PRKAR1A: variants seen among roughly 807,000 people sequenced by gnomAD.
PRKAR1A encodes cAMP-dependent protein kinase type I-alpha regulatory subunit.
Under a neutral mutation model 52.0 loss-of-function variants are expected in PRKAR1A, and 3 were observed. The observed-to-expected ratio is 0.06, with a 90% CI of 0.03 to 0.15. PRKAR1A has a LOEUF of 0.15. Among genes scored for constraint, PRKAR1A ranks in the 10% least tolerant of loss-of-function variants. The pLI is 1.00. For missense variants in PRKAR1A, 240 were observed against 477.4 expected, an observed-to-expected ratio of 0.50 and a Z score of 4.63; for synonymous variants, 188 against 168.4, an observed-to-expected ratio of 1.12 and a Z score of -0.90.
chr17:68,438,790 A>G, the PRKAR1A span, among the ~76,000 whole-genome samples: 1 of 152,192 alleles, frequency 6.6e-6, no homozygotes, highest in Non-Finnish European at 1.5e-5. Flanking sequence ...CAGTAGAGAC[A>G]GGGTTTCACC....
At chr17:68,449,620 C>T in the PRKAR1A span, among the ~76,000 whole-genome samples, 2 of 152,178 alleles carry the variant, frequency 1.3e-5, no homozygotes, top group Non-Finnish European at 1.5e-5. Context: ...TAGTACCCCC[C>T]ACCCGTCTCT....
At chr17:68,525,572 T>C (rs573853835) in intron 6 of PRKAR1A, among the ~76,000 whole-genome samples, 182 bp from the exon 7 acceptor site, 1 of 152,324 alleles carries the variant, frequency 6.6e-6, no homozygotes, top group South Asian at 2.1e-4. Flanking sequence ...TTATAGACAC[T>C]CTTAACTCAT....
chr17:68,475,326 T>G, the PRKAR1A span, among the ~76,000 whole-genome samples: 2 of 152,234 alleles, frequency 1.3e-5, no homozygotes, highest in Non-Finnish European at 2.9e-5. Flanking sequence ...AATTAAATCT[T>G]CATATGTCAA....
the PRKAR1A span, chr17:68,457,495 A>C: frequency 7.9e-7 from 1 of 1,268,230 alleles, no homozygotes; most frequent in Non-Finnish European, 1.0e-6. Context: ...CGCCGGCTCC[A>C]CGGGCCGGGT....
At chr17:68,521,595 G>A (rs554898458) in intron 2 of PRKAR1A, among the ~76,000 whole-genome samples, 1 of 152,288 alleles carries the variant, frequency 6.6e-6, no homozygotes, top group African/African-American at 2.4e-5. Flanking sequence ...TATGAAATGA[G>A]AAAACCTTAC....
chr17:68,539,704 T>A (rs985188787), intron 11 of PRKAR1A, among the ~76,000 whole-genome samples: 5 of 152,174 alleles, frequency 3.3e-5, no homozygotes, highest in African/African-American at 1.2e-4. Context: ...TGGAGGAGGA[T>A]CAAGTGGTTC....
chr17:68,500,021 T>C, the PRKAR1A span, among the ~76,000 whole-genome samples: 1 of 152,238 alleles, frequency 6.6e-6, no homozygotes, highest in East Asian at 1.9e-4. Context: ...ATATGGGACA[T>C]ATATCAGCCA....
chr17:68,491,368 AG>A, the PRKAR1A span, among the ~76,000 whole-genome samples: 2 of 152,204 alleles, frequency 1.3e-5, no homozygotes, highest in Non-Finnish European at 2.9e-5. Context: ...CTGGGATTAC[AG>A]GCGTGAGCCA....
At chr17:68,534,595 T>G (rs1397652685), downstream of PRKAR1A, among the ~76,000 whole-genome samples, 10 of 151,836 alleles carry the variant, frequency 6.6e-5, no homozygotes, top group Non-Finnish European at 1.0e-4. Context: ...TTGTATTTTT[T>G]TTGTTGTTGG....
chr17:68,421,947 T>A, the PRKAR1A span: 2 of 1,194,204 alleles, frequency 1.7e-6, no homozygotes, highest in Non-Finnish European at 2.5e-6. Flanking sequence ...AATTTTTCTG[T>A]CTGAACTCGC....
downstream of PRKAR1A, chr17:68,536,171 A>C (rs565854816): frequency 2.2e-6 from 1 of 454,014 alleles, no homozygotes; most frequent in Non-Finnish European, 4.4e-6. Context: ...CTTTGCTCAC[A>C]CTGCAGAAAG....
chr17:68,495,061 G>A, the PRKAR1A span, among the ~76,000 whole-genome samples: 1 of 151,768 alleles, frequency 6.6e-6, no homozygotes, highest in Non-Finnish European at 1.5e-5. Context: ...TTTTTTTTGA[G>A]ACTGGGTCTT....
intron 8 of PRKAR1A, chr17:68,528,533 CTT>C (rs1332491068): frequency 1.9e-5 from 5 of 263,480 alleles, no homozygotes; most frequent in Admixed American, 9.7e-5. Flanking sequence ...GAAACTATGA[CTT>C]TTGAGTATTG....
At chr17:68,517,365 C>T (rs1025048426) in intron 2 of PRKAR1A, among the ~76,000 whole-genome samples, 12 of 152,174 alleles carry the variant, frequency 7.9e-5, no homozygotes, top group African/African-American at 2.9e-4. Context: ...CTAATAAAGA[C>T]ATACCGAGGC....
the PRKAR1A span, among the ~76,000 whole-genome samples, chr17:68,478,399 C>T: frequency 6.6e-6 from 1 of 152,276 alleles, no homozygotes; most frequent in South Asian, 2.1e-4. Flanking sequence ...TTGCAGTGAG[C>T]TGAGATCACA....
chr17:68,428,502 G>A, the PRKAR1A span: 1 of 221,468 alleles, frequency 4.5e-6, no homozygotes, highest in African/African-American at 2.3e-5. Flanking sequence ...CAAAGTGCCG[G>A]GATTACAGGT....
chr17:68,521,241 A>G (rs11653616), intron 2 of PRKAR1A, among the ~76,000 whole-genome samples: 34,332 of 151,644 alleles, frequency 0.23, 3,933 homozygotes, highest in South Asian at 0.26. Flanking sequence ...TGCCTGGCCT[A>G]TTTTTTGAGA....
chr17:68,457,125 C>G, the PRKAR1A span, among the ~76,000 whole-genome samples: 2 of 152,146 alleles, frequency 1.3e-5, no homozygotes, highest in East Asian at 3.9e-4. Context: ...AACCTTGTCG[C>G]TCTGGGAGGA....
At chr17:68,456,027 A>G in the PRKAR1A span, among the ~76,000 whole-genome samples, 4 of 152,212 alleles carry the variant, frequency 2.6e-5, no homozygotes, top group South Asian at 8.3e-4. Context: ...CTAAAACGCA[A>G]TTCAGTGAGT....
Sources: gnomAD v4.1 joint callset for allele counts (sites outside exome capture counted in the v4.1 genomes callset) on GRCh38, gnomAD v4.1.1 for gene constraint, MANE v1.5 for transcripts, NCBI Gene and HGNC (gene_info 2026-07-23, HGNC 2026-07-21) for gene names.